TENM2: variants seen among roughly 807,000 people sequenced by gnomAD.
TENM2 encodes teneurin-2.
TENM2 carries 52 observed loss-of-function variants against 245.2 expected under a neutral mutation model. The ratio of observed to expected loss-of-function variants is 0.21; its 90% confidence interval spans 0.17 to 0.27. The LOEUF (loss-of-function observed/expected upper bound fraction) is 0.27. TENM2 is among the 10% of genes least tolerant of loss of function. The probability of loss-of-function intolerance (pLI) is 1.00; values close to 1 mark genes in which losing one functional copy is unlikely to be tolerated. For missense variants in TENM2, 3,046 were observed against 3,666.8 expected (o/e 0.83, Z 4.37); for synonymous variants, 1,363 against 1,438.9 (o/e 0.95, Z 1.19).
At chr5:168,231,553 G>A (rs1764904517) in intron 25 of TENM2, among the ~76,000 whole-genome samples, 1 of 152,210 alleles carries the variant, frequency 6.6e-6, no homozygotes, top group Non-Finnish European at 1.5e-5. Context: ...GCAATGGTGA[G>A]CCCTACCTGG....
chr5:167,878,304 TA>T (rs1773593707), intron 3 of TENM2, among the ~76,000 whole-genome samples: 1 of 152,170 alleles, frequency 6.6e-6, no homozygotes, highest in Non-Finnish European at 1.5e-5. Flanking sequence ...TCAGCTCACT[TA>T]AGACTGATAG....
chr5:167,981,851 G>A (rs571890940), intron 4 of TENM2, among the ~76,000 whole-genome samples: 1 of 152,094 alleles, frequency 6.6e-6, no homozygotes, highest in East Asian at 1.9e-4. Flanking sequence ...GCGTGCACCT[G>A]TAATCCCAGC....
At chr5:167,752,740 G>A (rs1762043137) in intron 2 of TENM2, among the ~76,000 whole-genome samples, 1 of 152,202 alleles carries the variant, frequency 6.6e-6, no homozygotes, top group Non-Finnish European at 1.5e-5. Flanking sequence ...AGCTCTCTGA[G>A]TTTCTTTGGA....
intron 3 of TENM2, among the ~76,000 whole-genome samples, chr5:167,912,339 A>T (rs748188104): frequency 6.6e-6 from 1 of 152,178 alleles, no homozygotes; most frequent in South Asian, 2.1e-4. Context: ...TCTTTTAAGG[A>T]TAAATAGTAT....
In TENM2 at chr5:167,955,957, CT is replaced by C. The variant is rs1312475620; in HGVS notation, c.947+3141del. Among the ~76,000 whole-genome samples the C allele has an allele frequency of 3.9e-5, 6 of 152,228 alleles. No individual in the cohort carries two copies. In the East Asian group the frequency reaches 9.7e-4, roughly 25 times the overall value. ...GCTATATCACTTGGCCGTATGGGCT[CT>C]TTTTTGGTTCCATATTAAATTTTAA... On this transcript the variant is annotated intron_variant, in intron 4 of 28. Transcript: ENST00000518659.
chr5:167,914,992 G>A (rs534834047), intron 3 of TENM2, among the ~76,000 whole-genome samples: 59 of 152,252 alleles, frequency 3.9e-4, no homozygotes, highest in African/African-American at 1.3e-3. Flanking sequence ...GGTCCTAGGG[G>A]TTAGGACATC....
At chr5:167,374,988 A>G (rs1003103886) in intron 1 of TENM2, among the ~76,000 whole-genome samples, 1 of 152,104 alleles carries the variant, frequency 6.6e-6, no homozygotes, top group Non-Finnish European at 1.5e-5. Flanking sequence ...ATTTTGTCCT[A>G]TCATCGATAT....
At chr5:167,110,040 C>T in the TENM2 span, among the ~76,000 whole-genome samples, 282 of 152,222 alleles carry the variant, frequency 1.9e-3, 1 homozygote, top group Non-Finnish European at 3.2e-3. Flanking sequence ...TAAGTTGTCT[C>T]CTGTCAATTT....
At chr5:167,726,277 C>T (rs1759999901) in intron 2 of TENM2, among the ~76,000 whole-genome samples, 1 of 152,154 alleles carries the variant, frequency 6.6e-6, no homozygotes, top group Non-Finnish European at 1.5e-5. Context: ...CAGTTTGGTC[C>T]TACCTGTGGA....
At chr5:168,067,254 G>C (rs75689243) in intron 7 of TENM2, among the ~76,000 whole-genome samples, 2 of 152,158 alleles carry the variant, frequency 1.3e-5, no homozygotes, top group Non-Finnish European at 2.9e-5. Flanking sequence ...TTGAATGGCG[G>C]TAAGACAGGA....
chr5:168,069,525 A>G (rs1413721387), intron 7 of TENM2, among the ~76,000 whole-genome samples: 1 of 152,226 alleles, frequency 6.6e-6, no homozygotes, highest in East Asian at 1.9e-4. Context: ...CCCACTTGGA[A>G]TAATAGCCAG....
chr5:167,801,573 G>A (rs116476254), intron 2 of TENM2, among the ~76,000 whole-genome samples: 1,702 of 152,186 alleles, frequency 0.011, 30 homozygotes, highest in African/African-American at 0.039. Flanking sequence ...TGGAGAAGAC[G>A]CAAGAAGAGT....
At position 168,247,921 on chromosome 5, in the gene TENM2, A is replaced by G. The variant is rs1428924214; in HGVS notation, c.6982A>G (p.Asn2328Asp). Residue 2328 changes from asparagine (N) to aspartate (D), a missense_variant, in exon 27 of 29, where the codon AAC becomes GAC. Physicochemically the swap from Asn to Asp is conservative, Grantham distance 23. This residue lies in a region of TENM2 where 2,704 missense variants were observed against 3,331.9 expected (regional missense o/e 0.81). Coordinates refer to ENST00000518659, the Ensembl canonical transcript of TENM2. This position sits in a 1 kb window ranked among gnomAD's most constrained non-coding sequence, Gnocchi z 7.8. ...GCAGTACTTCTACTCTGACCTCCAC[A>G]ACCCGACGCGCATCACCCATGTCTA... is the stretch of plus-strand genomic sequence containing the variant. 1.2e-5 allele frequency: 20 copies of G among 1,613,804 alleles called. No homozygotes were observed. The highest frequency in any genetic ancestry group is 1.5e-5 in the Non-Finnish European group (18 of 1,179,896).
chr5:168,056,589 A>G (rs1233075424), intron 6 of TENM2, among the ~76,000 whole-genome samples: 2 of 152,190 alleles, frequency 1.3e-5, no homozygotes, highest in Non-Finnish European at 2.9e-5. Flanking sequence ...ATGTTATAGT[A>G]TAGTTACTTT....
intron 2 of TENM2, among the ~76,000 whole-genome samples, chr5:167,861,569 G>T (rs1374680091): frequency 6.6e-6 from 1 of 152,144 alleles, no homozygotes; most frequent in Non-Finnish European, 1.5e-5. Context: ...CCTTTCCCAG[G>T]CTGACCTATG....
intron 2 of TENM2, chr5:167,660,625 A>G (rs1207150758): frequency 6.6e-6 from 1 of 152,076 alleles, no homozygotes; most frequent in African/African-American, 2.4e-5. Context: ...AGTCAGAAAA[A>G]AAAATGTCTT....
chr5:167,079,753 A>G, the TENM2 span, among the ~76,000 whole-genome samples: 1 of 152,218 alleles, frequency 6.6e-6, no homozygotes, highest in Non-Finnish European at 1.5e-5. Context: ...AACAAAGCCC[A>G]AATTGAAATG....
intron 5 of TENM2, among the ~76,000 whole-genome samples, chr5:168,018,936 G>A (rs561981567): frequency 2.6e-5 from 4 of 152,268 alleles, no homozygotes; most frequent in South Asian, 2.1e-4. Flanking sequence ...AGGAGACCAC[G>A]CCTGTGCTAG....
chr5:168,089,496 C>G (rs565176018), intron 7 of TENM2, among the ~76,000 whole-genome samples: 158 of 152,308 alleles, frequency 1.0e-3, no homozygotes, highest in Middle Eastern at 6.8e-3. Flanking sequence ...CTCCCCATCC[C>G]CTTATCCTGG....
Sources: gnomAD v4.1 joint callset for allele counts (sites outside exome capture counted in the v4.1 genomes callset) on GRCh38, gnomAD v4.1.1 for gene constraint, gnomAD v4.1.1 regional missense constraint, Gnocchi (gnomAD v3.1) non-coding constraint, MANE v1.5 for transcripts, NCBI Gene and HGNC (gene_info 2026-07-23, HGNC 2026-07-21) for gene names.